The following CREB5 variants were observed in gnomAD, a reference collection of about 807,000 sequenced individuals.
The protein encoded by CREB5 is cAMP responsive element binding protein 5.
CREB5 carries 19 observed loss-of-function variants against 57.1 expected under a neutral mutation model. The ratio of observed to expected loss-of-function variants is 0.33; its 90% CI spans 0.23 to 0.49. The LOEUF is 0.49. Ranked by LOEUF, CREB5 falls within the 20% of genes least tolerant of loss-of-function variation. The probability of loss-of-function intolerance (pLI) is 0.99; values close to 1 mark genes in which losing one functional copy is unlikely to be tolerated. For missense variants in CREB5, 579 were observed against 671.6 expected, an observed-to-expected ratio of 0.86 and a Z score of 1.52; for synonymous variants, 238 against 238.3, an observed-to-expected ratio of 1.00 and a Z score of 0.01.
chr7:28,529,660 C>G (rs1004559845), intron 4 of CREB5, among the ~76,000 whole-genome samples: 8 of 152,188 alleles, frequency 5.3e-5, no homozygotes, highest in African/African-American at 1.7e-4. Flanking sequence ...TTTCCTTGCT[C>G]TATGGCCCTC....
intron 5 of CREB5, among the ~76,000 whole-genome samples, chr7:28,688,536 A>T (rs970606398): frequency 6.6e-6 from 1 of 152,244 alleles, no homozygotes; most frequent in East Asian, 1.9e-4. Flanking sequence ...ACCTTCAAAG[A>T]TCATGAAAAG....
chr7:28,744,443 G>A (rs1222610230), intron 7 of CREB5, among the ~76,000 whole-genome samples: 7 of 140,268 alleles, frequency 5.0e-5, no homozygotes, highest in African/African-American at 1.1e-4. Context: ...CGCCTCCCAC[G>A]TTCAAGCGAT....
chr7:28,415,158 C>A (rs569225838), intron 1 of CREB5, among the ~76,000 whole-genome samples: 1 of 152,174 alleles, frequency 6.6e-6, no homozygotes, highest in African/African-American at 2.4e-5. Context: ...ACCAGGCTGG[C>A]GTTTGACTAG....
chr7:28,493,421 G>A (rs771458186), intron 2 of CREB5, among the ~76,000 whole-genome samples: 94 of 152,270 alleles, frequency 6.2e-4, no homozygotes, highest in Non-Finnish European at 1.0e-3. Flanking sequence ...GAGCAACAAA[G>A]GCTTATTTCT....
chr7:28,591,174 C>G (rs1796499091), intron 5 of CREB5, among the ~76,000 whole-genome samples: 1 of 152,182 alleles, frequency 6.6e-6, no homozygotes, highest in Admixed American at 6.5e-5. Flanking sequence ...GGAGTCTTAG[C>G]AAGGGAAGAG....
chr7:28,541,591 C>T (rs1055265965), intron 4 of CREB5, among the ~76,000 whole-genome samples: 6 of 152,044 alleles, frequency 3.9e-5, no homozygotes, highest in Admixed American at 6.6e-5. Context: ...CACTTGAACC[C>T]GGGAGGCAGA....
At chr7:28,696,530 G>A (rs1022919502) in intron 5 of CREB5, among the ~76,000 whole-genome samples, 5 of 152,078 alleles carry the variant, frequency 3.3e-5, no homozygotes, top group South Asian at 2.1e-4. Flanking sequence ...TTCCAGCCAC[G>A]TGATCTTTAA....
intron 7 of CREB5, among the ~76,000 whole-genome samples, chr7:28,765,566 T>C (rs1805916921): frequency 6.6e-6 from 1 of 151,892 alleles, no homozygotes; most frequent in Non-Finnish European, 1.5e-5. Context: ...CATGGAGCCA[T>C]GATATAGGTA....
intron 5 of CREB5, among the ~76,000 whole-genome samples, chr7:28,671,657 G>C (rs1800044844): frequency 6.6e-6 from 1 of 152,130 alleles, no homozygotes; most frequent in South Asian, 2.1e-4. Context: ...TATTTGTTTT[G>C]TTTAGTGGCC....
At chr7:28,450,431 C>T (rs1260841292) in intron 1 of CREB5, among the ~76,000 whole-genome samples, 2 of 152,158 alleles carry the variant, frequency 1.3e-5, no homozygotes, top group Non-Finnish European at 2.9e-5. Context: ...ATGCTTGACT[C>T]GCATATGATG....
intron 5 of CREB5, among the ~76,000 whole-genome samples, chr7:28,627,354 T>A (rs1798038331): frequency 6.6e-6 from 1 of 152,230 alleles, no homozygotes; most frequent in Non-Finnish European, 1.5e-5. Flanking sequence ...TTTGAAAGAG[T>A]GGCTCAGCCC....
At chr7:28,385,929 C>T (rs1319071918) in intron 1 of CREB5, among the ~76,000 whole-genome samples, 11 of 152,194 alleles carry the variant, frequency 7.2e-5, no homozygotes. Context: ...CTCTGGCCTG[C>T]ACTTCCATCA....
rs1554279287 is a variant in CREB5 at position 28,642,965 on chromosome 7, C to CAT, written c.464+72429_464+72430insTA. Among the ~76,000 whole-genome samples the CAT allele has an allele frequency of 1.8e-3, 136 of 75,654 alleles. 2 individuals are homozygous for CAT. The South Asian group carries it at 0.057, about 32-fold the overall frequency. 49.6% of individuals were successfully genotyped at this position (75,654 alleles called of 152,430 possible). A position where few individuals can be genotyped will look rare whatever the true frequency, so the allele number is the denominator to read the frequency against. ...GAGGGTAGATTTACACACACACACA[C>CAT]ACACACACACACACACACACATACA... is the stretch of plus-strand genomic sequence containing the variant. On this transcript the variant is annotated intron_variant, in intron 5 of 10. Transcript: ENST00000357727.
chr7:28,417,714 A>G (rs1425388975), intron 1 of CREB5, among the ~76,000 whole-genome samples: 2 of 152,200 alleles, frequency 1.3e-5, no homozygotes, highest in African/African-American at 4.8e-5. Flanking sequence ...CTAATATTCT[A>G]TGATTCTATT....
intron 4 of CREB5, among the ~76,000 whole-genome samples, chr7:28,550,868 T>G (rs1204656552): frequency 2.6e-5 from 4 of 152,210 alleles, no homozygotes; most frequent in Non-Finnish European, 5.9e-5. Context: ...TTTTATAATC[T>G]AAAGCAGCAC....
chr7:28,560,819 T>TGTGTGCGTGTGTGTGTGCGTGCGTGCGC (rs1562796977), intron 4 of CREB5, among the ~76,000 whole-genome samples: 2 of 62,352 alleles, frequency 3.2e-5, no homozygotes, highest in Non-Finnish European at 3.6e-5. Flanking sequence ...CGTGTGTGTG[T>TGTGTGCGTGTGTGTGTGCGTGCGTGCGC]GTGCGCGCGC....
intron 1 of CREB5, among the ~76,000 whole-genome samples, chr7:28,426,598 C>T (rs1348496672): frequency 1.3e-5 from 2 of 152,240 alleles, no homozygotes; most frequent in Non-Finnish European, 2.9e-5. Context: ...CCTAGACATG[C>T]TGCATTCACT....
chr7:28,475,535 T>C (rs1271625542), intron 1 of CREB5, among the ~76,000 whole-genome samples: 1 of 151,888 alleles, frequency 6.6e-6, no homozygotes, highest in African/African-American at 2.4e-5. Context: ...GAAAATGTAG[T>C]GTACTAAGGA....
chr7:28,753,013 G>A (rs1805075806), intron 7 of CREB5, among the ~76,000 whole-genome samples: 1 of 151,850 alleles, frequency 6.6e-6, no homozygotes, highest in Admixed American at 6.6e-5. Context: ...GGGCTAAGAG[G>A]ATATCAATTA....
Sources: gnomAD v4.1 joint callset for allele counts (sites outside exome capture counted in the v4.1 genomes callset) on GRCh38, gnomAD v4.1.1 for gene constraint, MANE v1.5 for transcripts, NCBI Gene and HGNC (gene_info 2026-07-23, HGNC 2026-07-21) for gene names.